The following PALM2AKAP2 variants were observed in gnomAD, a reference collection of about 807,000 sequenced individuals.
The protein encoded by PALM2AKAP2 is PALM2 and AKAP2 fusion, also known as PALM2-AKAP2 fusion protein.
A neutral mutation model predicts 71.5 loss-of-function variants in PALM2AKAP2; 37 were observed. The ratio of observed to expected loss-of-function variants is 0.52; its 90% CI spans 0.40 to 0.68. The LOEUF (loss-of-function observed/expected upper bound fraction) is 0.68, where lower values mean the gene tolerates loss of function less well. Among genes scored for constraint, PALM2AKAP2 ranks in the 30% least tolerant of loss-of-function variants. The probability of loss-of-function intolerance (pLI) is 0.00; values close to 1 mark genes in which losing one functional copy is unlikely to be tolerated. For missense variants in PALM2AKAP2, 1,224 were observed against 1,191.8 expected (o/e 1.03, Z -0.40); for synonymous variants, 468 against 478.8 (o/e 0.98, Z 0.29).
chr9:110,027,397 C>T (rs1275291201), intron 7 of PALM2AKAP2, among the ~76,000 whole-genome samples: 1 of 152,198 alleles, frequency 6.6e-6, no homozygotes, highest in Non-Finnish European at 1.5e-5. Flanking sequence ...ATCGTAGATG[C>T]TCTCTTTATC....
intron 1 of PALM2AKAP2, among the ~76,000 whole-genome samples, chr9:109,844,975 A>G (rs1458570976): frequency 7.2e-6 from 1 of 138,646 alleles, no homozygotes; most frequent in Non-Finnish European, 1.6e-5. Context: ...GCACACACGC[A>G]TGCACGCACA....
chr9:109,728,923 T>C (rs1302357575), intron 1 of PALM2AKAP2, among the ~76,000 whole-genome samples: 2 of 152,184 alleles, frequency 1.3e-5, no homozygotes, highest in Non-Finnish European at 2.9e-5. Context: ...TTTAGGTATT[T>C]GCACAGAGAA....
chr9:109,975,339 G>C (rs751755348), intron 6 of PALM2AKAP2, among the ~76,000 whole-genome samples: 1 of 152,132 alleles, frequency 6.6e-6, no homozygotes, highest in African/African-American at 2.4e-5. Flanking sequence ...ACCAGAAGAC[G>C]GACATCCCAG....
At chr9:110,119,341 CAAAAAAAAAAAA>C in intron 1 of PALM2AKAP2, among the ~76,000 whole-genome samples, 1 of 88,940 alleles carries the variant, frequency 1.1e-5, no homozygotes. Context: ...GACTCCATCT[CAAAAAAAAAAAA>C]AAAAAAAGAA....
intron 1 of PALM2AKAP2, among the ~76,000 whole-genome samples, chr9:109,715,157 C>T (rs1222572984): frequency 6.6e-6 from 1 of 152,196 alleles, no homozygotes; most frequent in Non-Finnish European, 1.5e-5. Flanking sequence ...AATACTTTCT[C>T]GGTTCCAGGT....
intron 1 of PALM2AKAP2, among the ~76,000 whole-genome samples, chr9:110,059,623 C>T (rs1382844500): frequency 5.9e-5 from 9 of 152,148 alleles, no homozygotes; most frequent in Non-Finnish European, 1.2e-4. Context: ...GAGGTGGGGG[C>T]AGTGACCGGC....
intron 1 of PALM2AKAP2, among the ~76,000 whole-genome samples, chr9:110,060,727 G>A (rs1024748596): frequency 3.3e-5 from 5 of 151,892 alleles, no homozygotes; most frequent in African/African-American, 9.7e-5. Context: ...TCAGCCTCCC[G>A]AGTAGCTGAG....
At chr9:109,690,169 C>T (rs1827862230) in intron 1 of PALM2AKAP2, among the ~76,000 whole-genome samples, 1 of 152,236 alleles carries the variant, frequency 6.6e-6, no homozygotes, top group Non-Finnish European at 1.5e-5. Flanking sequence ...CTCACCAGCA[C>T]AGCATCTTGC....
chr9:110,007,817 G>A (rs964442247), intron 6 of PALM2AKAP2, among the ~76,000 whole-genome samples: 3 of 152,144 alleles, frequency 2.0e-5, no homozygotes, highest in Admixed American at 6.5e-5. Context: ...CAAAGATAGA[G>A]GTGAAATTGC....
chr9:110,043,327 T>C (rs1408002233), intron 7 of PALM2AKAP2, among the ~76,000 whole-genome samples: 2 of 152,254 alleles, frequency 1.3e-5, no homozygotes, highest in Non-Finnish European at 2.9e-5. Flanking sequence ...CTCTCTGTGA[T>C]CTGGAATTTC....
At chr9:109,866,878 G>A (rs1189021746) in intron 1 of PALM2AKAP2, among the ~76,000 whole-genome samples, 3 of 152,240 alleles carry the variant, frequency 2.0e-5, no homozygotes, top group East Asian at 1.9e-4. Flanking sequence ...CATATTTATC[G>A]TAACCTCAGC....
chr9:110,003,843 G>A (rs1480154396), intron 6 of PALM2AKAP2, among the ~76,000 whole-genome samples: 1 of 152,110 alleles, frequency 6.6e-6, no homozygotes, highest in Non-Finnish European at 1.5e-5. Flanking sequence ...CAGAGACTAG[G>A]ATTGCAACCC....
intron 1 of PALM2AKAP2, among the ~76,000 whole-genome samples, chr9:109,680,579 A>AT (rs1827712944): frequency 6.6e-6 from 1 of 152,198 alleles, no homozygotes; most frequent in Non-Finnish European, 1.5e-5. Context: ...TAGGATTACA[A>AT]TTTTTTTAAA....
At chr9:109,694,840 G>T (rs1827947707) in intron 1 of PALM2AKAP2, among the ~76,000 whole-genome samples, 1 of 151,942 alleles carries the variant, frequency 6.6e-6, no homozygotes, top group African/African-American at 2.4e-5. Flanking sequence ...AAAAGTCAAT[G>T]AAAAAGAAAG....
At chr9:109,876,471 G>GT (rs1381493962) in intron 2 of PALM2AKAP2, among the ~76,000 whole-genome samples, 2 of 151,858 alleles carry the variant, frequency 1.3e-5, no homozygotes, top group Non-Finnish European at 2.9e-5. Flanking sequence ...GCCTTTTCCA[G>GT]TTTTTTTTCT....
At chr9:109,757,961 C>A (rs1035392734) in intron 1 of PALM2AKAP2, among the ~76,000 whole-genome samples, 21 of 151,960 alleles carry the variant, frequency 1.4e-4, no homozygotes, top group African/African-American at 5.1e-4. Flanking sequence ...ACAAAAACTG[C>A]TTTACCCATC....
upstream of PALM2AKAP2, among the ~76,000 whole-genome samples, chr9:109,779,468 A>G (rs926329944): frequency 2.0e-5 from 3 of 152,212 alleles, no homozygotes; most frequent in Admixed American, 2.0e-4. Context: ...TGCCCTTTAC[A>G]AAGCACCTTT....
intron 1 of PALM2AKAP2, among the ~76,000 whole-genome samples, chr9:109,832,558 G>A (rs1417252270): frequency 1.3e-5 from 2 of 152,208 alleles, no homozygotes; most frequent in East Asian, 3.8e-4. Flanking sequence ...GCTGCTTTCA[G>A]AAGAAACAGT....
intron 1 of PALM2AKAP2, among the ~76,000 whole-genome samples, chr9:109,723,796 G>A (rs1587883011): frequency 1.3e-5 from 2 of 152,336 alleles, no homozygotes; most frequent in East Asian, 3.9e-4. Context: ...CCTGTGTGTA[G>A]GCTCCTTAGC....
Sources: gnomAD v4.1 joint callset for allele counts (sites outside exome capture counted in the v4.1 genomes callset) on GRCh38, gnomAD v4.1.1 for gene constraint, MANE v1.5 for transcripts, NCBI Gene and HGNC (gene_info 2026-07-23, HGNC 2026-07-21) for gene names.